Variants in TIAM1 observed in about 807,000 individuals in gnomAD.
TIAM1 encodes TIAM Rac1 associated GEF 1.
A neutral mutation model predicts 163.5 loss-of-function variants in TIAM1; 65 were observed. The ratio of observed to expected loss-of-function variants is 0.40; its 90% CI spans 0.33 to 0.49. The LOEUF (loss-of-function observed/expected upper bound fraction) is 0.49. Ranked by LOEUF, TIAM1 falls within the 20% of genes least tolerant of loss-of-function variation. The probability of loss-of-function intolerance (pLI) is 0.77; values close to 1 mark genes in which losing one functional copy is unlikely to be tolerated. For missense variants in TIAM1, 1,789 were observed against 2,044.7 expected (o/e 0.87, Z 2.41); for synonymous variants, 833 against 810.1 (o/e 1.03, Z -0.48).
rs868153235 is a variant in TIAM1 at position 31,266,816 on chromosome 21, C to T, written c.157G>A (p.Glu53Lys). 6.2e-6 allele frequency: 10 copies of T among 1,614,064 alleles called. No homozygotes were observed. Among genetic ancestry groups the T allele is most frequent in the Non-Finnish European group, 8.5e-6 (10 of 1,180,052 alleles). The change falls in exon 4 of 28, where the codon GAA becomes AAA. Residue 53 changes from glutamate (E) to lysine (K), a missense_variant. By Grantham distance (56) the Glu-to-Lys change is moderately conservative (BLOSUM62 1). Around this residue, in one of 5 missense-constraint regions of TIAM1, gnomAD observed 555 missense variants for 564.9 expected, o/e 0.98. Transcript: ENST00000541036. ...SSGKVIHRNS[E>K]VSTRSSSTPS... ...GTGCTGCTGGATCGGGTGCTCACTTCGGAGTTCCTGTGGATCACCTTCCCC... is the reference window on the plus strand; with the variant it reads ...GTGCTGCTGGATCGGGTGCTCACTTTGGAGTTCCTGTGGATCACCTTCCCC...
chr21:31,181,244 T>C lies in TIAM1; in HGVS notation c.2887+1177A>G, dbSNP rs970243604. Among the ~76,000 whole-genome samples, 6 of 152,194 alleles carry C rather than the reference T, an allele frequency of 3.9e-5. No homozygotes were observed. In the East Asian group the frequency reaches 9.6e-4, roughly 24 times the overall value. ...AGGGCCACCCATGTAGCAAACCACA[T>C]GTAAAGAGCCGGGAAGACAAAAATG... On this transcript the variant is annotated intron_variant, in intron 15 of 27. Coordinates refer to ENST00000541036, the MANE Select transcript of TIAM1 (RefSeq NM_001353694.2).
intron 2 of TIAM1, among the ~76,000 whole-genome samples, chr21:31,397,843 G>C (rs142381644): frequency 5.9e-4 from 90 of 152,272 alleles, no homozygotes; most frequent in Non-Finnish European, 1.0e-3. Flanking sequence ...AAATGAGAAG[G>C]GACAGAGGCA....
intron 8 of TIAM1, among the ~76,000 whole-genome samples, chr21:31,222,890 G>A (rs1160163111): frequency 6.6e-6 from 1 of 150,738 alleles, no homozygotes; most frequent in African/African-American, 2.4e-5. Flanking sequence ...GGTAATTTCT[G>A]TACACTTAAT....
At chr21:31,508,239 G>A (rs920945165) in intron 1 of TIAM1, among the ~76,000 whole-genome samples, 5 of 152,298 alleles carry the variant, frequency 3.3e-5, no homozygotes, top group South Asian at 2.1e-4. Context: ...ATTGCTTGAC[G>A]CTTCCCCTCC....
intron 2 of TIAM1, among the ~76,000 whole-genome samples, chr21:31,284,075 G>C (rs1037716244): frequency 6.6e-6 from 1 of 152,182 alleles, no homozygotes; most frequent in Admixed American, 6.5e-5. Context: ...CTAATGCTTA[G>C]ATCTGTCCTT....
At chr21:31,167,662 G>C (rs1568956204) in intron 15 of TIAM1, among the ~76,000 whole-genome samples, 1 of 152,068 alleles carries the variant, frequency 6.6e-6, no homozygotes, top group Non-Finnish European at 1.5e-5. Flanking sequence ...TTAGCAGGGG[G>C]ACAATTCTTT....
At chr21:31,418,116 C>CAGAT (rs2043436990) in intron 2 of TIAM1, among the ~76,000 whole-genome samples, 1 of 151,958 alleles carries the variant, frequency 6.6e-6, no homozygotes, top group Non-Finnish European at 1.5e-5. Flanking sequence ...AGCACTTTGG[C>CAGAT]AGATCACTTG....
chr21:31,215,524 G>A (rs1173917421), intron 9 of TIAM1, among the ~76,000 whole-genome samples: 3 of 139,216 alleles, frequency 2.2e-5, no homozygotes, highest in South Asian at 2.3e-4. Flanking sequence ...TCGCGCCATT[G>A]CACTCCAGCC....
intron 2 of TIAM1, among the ~76,000 whole-genome samples, chr21:31,304,577 T>C (rs1041605397): frequency 6.6e-6 from 1 of 152,358 alleles, no homozygotes; most frequent in South Asian, 2.1e-4. Flanking sequence ...TTAAGATTCT[T>C]TTTAAAATGT....
chr21:31,467,561 G>A (rs1216613385), intron 1 of TIAM1, among the ~76,000 whole-genome samples: 4 of 151,762 alleles, frequency 2.6e-5, no homozygotes, highest in Non-Finnish European at 5.9e-5. Flanking sequence ...AGGAGGCAGA[G>A]GTTGCAGTGA....
chr21:31,146,411 A>AG (rs1471826625), intron 20 of TIAM1, among the ~76,000 whole-genome samples: 1 of 150,314 alleles, frequency 6.7e-6, no homozygotes, highest in Admixed American at 6.6e-5. Flanking sequence ...GTCAAAAAAA[A>AG]AAAAAAAAAA....
intron 1 of TIAM1, among the ~76,000 whole-genome samples, chr21:31,548,494 T>TG (rs2048576878): frequency 2.0e-5 from 3 of 149,960 alleles, no homozygotes; most frequent in East Asian, 3.9e-4. Context: ...GTTGTTGTTT[T>TG]TTTTTTTTTT....
intron 1 of TIAM1, among the ~76,000 whole-genome samples, chr21:31,342,562 G>A (rs1424076395): frequency 6.6e-6 from 1 of 152,126 alleles, no homozygotes; most frequent in Non-Finnish European, 1.5e-5. Flanking sequence ...ATAAAACTCC[G>A]TCTATTAGTC....
chr21:31,200,017 C>T (rs778870329), intron 12 of TIAM1, among the ~76,000 whole-genome samples: 4 of 152,022 alleles, frequency 2.6e-5, no homozygotes, highest in Non-Finnish European at 4.4e-5. Flanking sequence ...CTTGTCTCTC[C>T]AGGCTTTGAA....
At chr21:31,517,162 G>GTT (rs1360530468) in intron 1 of TIAM1, among the ~76,000 whole-genome samples, 1 of 152,148 alleles carries the variant, frequency 6.6e-6, no homozygotes, top group African/African-American at 2.4e-5. Context: ...CAGTGCAGCG[G>GTT]TTAAGGCTAC....
chr21:31,429,921 AG>A (rs2043940056), intron 2 of TIAM1, among the ~76,000 whole-genome samples: 1 of 152,064 alleles, frequency 6.6e-6, no homozygotes, highest in Non-Finnish European at 1.5e-5. Context: ...AAAGTTGCAC[AG>A]GGGGAGCCGG....
At chr21:31,213,376 G>A in intron 10 of TIAM1, 22 bp downstream of exon 10, 1 of 1,601,012 alleles carries the variant, frequency 6.2e-7, no homozygotes, top group Non-Finnish European at 8.5e-7. Flanking sequence ...TTTTAGAAAA[G>A]AAAACACACG....
chr21:31,509,830 G>A (rs1045938903), intron 1 of TIAM1, among the ~76,000 whole-genome samples: 1 of 152,126 alleles, frequency 6.6e-6, no homozygotes, highest in African/African-American at 2.4e-5. Context: ...TAAATTCCAC[G>A]TGCCTGGAGA....
intron 2 of TIAM1, among the ~76,000 whole-genome samples, chr21:31,291,899 T>C (rs2074038852): frequency 1.3e-5 from 2 of 152,156 alleles, no homozygotes. Context: ...TCTACATGGC[T>C]CCATCTAGTT....
Sources: allele counts gnomAD v4.1 joint callset (sites outside exome capture counted in the v4.1 genomes callset), GRCh38; gene constraint gnomAD v4.1.1; regional missense constraint gnomAD v4.1.1; transcripts MANE v1.5; gene names NCBI Gene and HGNC (gene_info 2026-07-23, HGNC 2026-07-21).